Variants in ZFAT observed in about 807,000 individuals in gnomAD.
ZFAT encodes zinc finger and AT-hook domain containing, also known as zinc finger protein ZFAT.
Under a neutral mutation model 117.7 loss-of-function variants are expected in ZFAT, and 64 were observed. The observed-to-expected ratio is 0.54, with a 90% confidence interval of 0.44 to 0.67. ZFAT has a LOEUF of 0.67. Ranked by LOEUF, ZFAT falls within the 30% of genes least tolerant of loss-of-function variation. The pLI, the probability that ZFAT is intolerant of heterozygous loss-of-function variation, is 0.00. For synonymous variants in ZFAT, 679 were observed against 615.0 expected, an observed-to-expected ratio of 1.10 and a Z score of -1.54; for missense variants, 1,433 against 1,584.5, an observed-to-expected ratio of 0.90 and a Z score of 1.62.
the ZFAT span, among the ~76,000 whole-genome samples, chr8:134,817,405 A>T: frequency 1.1e-5 from 1 of 94,368 alleles, no homozygotes; most frequent in African/African-American, 4.1e-5. Flanking sequence ...ACACACACAC[A>T]CACACACACA....
intron 15 of ZFAT, among the ~76,000 whole-genome samples, chr8:134,494,401 G>C (rs1038470414): frequency 1.3e-5 from 2 of 152,156 alleles, no homozygotes; most frequent in Admixed American, 1.3e-4. Context: ...TGCGGGGACA[G>C]GATCGATCCG....
intron 2 of ZFAT, among the ~76,000 whole-genome samples, chr8:134,642,248 G>A (rs758752405): frequency 6.6e-6 from 1 of 152,192 alleles, no homozygotes; most frequent in Non-Finnish European, 1.5e-5. Flanking sequence ...CCTGAAGCAT[G>A]GGTAAGAAAA....
At position 134,525,965 on chromosome 8, in the gene ZFAT, C is replaced by T. The variant is rs112547506; in HGVS notation, c.3116-4964G>A. Among the ~76,000 whole-genome samples, 1,269 of 152,236 alleles carry T rather than the reference C, an allele frequency of 8.3e-3. 18 individuals are homozygous for T. Among genetic ancestry groups the T allele is most frequent in the African/African-American group, 0.029 (1,212 of 41,552 alleles). ...TCATTTTTAACTTCCTTTGTTATTG[C>T]TTTTTTAAATCAGATAAAATCATGT... On this transcript the variant is annotated intron_variant, in intron 12 of 15. Transcript: ENST00000377838.
chr8:134,588,132 G>C, intron 9 of ZFAT, 114 bp downstream of exon 9: 1 of 1,274,504 alleles, frequency 7.8e-7, no homozygotes, highest in Non-Finnish European at 1.1e-6. Flanking sequence ...AGTGTGCTAA[G>C]GAAATTCTAA....
intron 13 of ZFAT, among the ~76,000 whole-genome samples, chr8:134,518,457 C>T (rs959233722): frequency 2.0e-5 from 3 of 152,206 alleles, no homozygotes; most frequent in African/African-American, 7.2e-5. Context: ...TTTTGGATCT[C>T]TGTCAAGCTA....
At chr8:134,817,392 T>TACACACA in the ZFAT span, among the ~76,000 whole-genome samples, 3 of 101,940 alleles carry the variant, frequency 2.9e-5, no homozygotes, top group Non-Finnish European at 6.5e-5. Flanking sequence ...TCTCTCTCTC[T>TACACACA]CTACACACAC....
chr8:134,531,435 T>C (rs966894051), intron 12 of ZFAT, among the ~76,000 whole-genome samples: 3 of 152,190 alleles, frequency 2.0e-5, no homozygotes, highest in African/African-American at 7.2e-5. Flanking sequence ...ATGCGATGGC[T>C]CCACAATTCC....
chr8:134,532,555 C>T (rs1282260841), intron 12 of ZFAT, among the ~76,000 whole-genome samples: 1 of 152,210 alleles, frequency 6.6e-6, no homozygotes, highest in Non-Finnish European at 1.5e-5. Flanking sequence ...GCAATGCTGA[C>T]AAATCAGCAT....
At chr8:134,498,274 T>G (rs1269420110) in intron 15 of ZFAT, among the ~76,000 whole-genome samples, 40 of 110,126 alleles carry the variant, frequency 3.6e-4, no homozygotes, top group East Asian at 5.7e-4. Context: ...GGTGGAGCCG[T>G]GATGCCCCTG....
At chr8:134,542,761 G>A (rs953373932) in intron 11 of ZFAT, among the ~76,000 whole-genome samples, 2 of 152,122 alleles carry the variant, frequency 1.3e-5, no homozygotes, top group South Asian at 4.1e-4. Flanking sequence ...GTACAGAAGT[G>A]AGGGCAGGGG....
intron 1 of ZFAT, among the ~76,000 whole-genome samples, chr8:134,705,708 T>C (rs1230295506): frequency 1.3e-5 from 2 of 151,736 alleles, no homozygotes; most frequent in African/African-American, 2.4e-5. Flanking sequence ...TTTTTTTTTT[T>C]TCTAAGTTTC....
chr8:134,534,770 G>GGAAAAA (rs1821702710), intron 11 of ZFAT, among the ~76,000 whole-genome samples: 1 of 26,324 alleles, frequency 3.8e-5, no homozygotes, highest in Admixed American at 4.3e-4. Flanking sequence ...AGGGAGAGAG[G>GGAAAAA]GAGAAAGAGA....
intron 1 of ZFAT, among the ~76,000 whole-genome samples, chr8:134,664,417 C>T (rs1209153922): frequency 6.6e-6 from 1 of 152,222 alleles, no homozygotes; most frequent in Non-Finnish European, 1.5e-5. Flanking sequence ...GGACACAGGG[C>T]TGGCCCTGAC....
At chr8:134,761,526 C>G in the ZFAT span, among the ~76,000 whole-genome samples, 1 of 150,876 alleles carries the variant, frequency 6.6e-6, no homozygotes, top group Non-Finnish European at 1.5e-5. Flanking sequence ...ATGGTGAAAC[C>G]CCGTCTCTAC....
At chr8:134,827,179 G>A in the ZFAT span, among the ~76,000 whole-genome samples, 1 of 152,168 alleles carries the variant, frequency 6.6e-6, no homozygotes, top group African/African-American at 2.4e-5. Context: ...AGCCCCACAA[G>A]TAGCTGGGAC....
chr8:134,581,384 T>G (rs1360979959), intron 10 of ZFAT, among the ~76,000 whole-genome samples: 1 of 152,168 alleles, frequency 6.6e-6, no homozygotes, highest in African/African-American at 2.4e-5. Context: ...CCTATTTCCA[T>G]CCCTTTTGCT....
chr8:134,675,095 C>T (rs1348481156), intron 1 of ZFAT, among the ~76,000 whole-genome samples: 5 of 152,134 alleles, frequency 3.3e-5, no homozygotes, highest in East Asian at 1.9e-4. Flanking sequence ...CAAAGCTGGA[C>T]GGAGAATGAG....
At chr8:134,512,677 A>G (rs1819947322) in intron 13 of ZFAT, 76 bp from the exon 14 acceptor site, 1 of 1,538,380 alleles carries the variant, frequency 6.5e-7, no homozygotes, top group Non-Finnish European at 8.7e-7. Context: ...TAACATACTA[A>G]GATAGAACAA....
the ZFAT span, among the ~76,000 whole-genome samples, chr8:134,807,941 T>C: frequency 6.6e-6 from 1 of 152,208 alleles, no homozygotes; most frequent in African/African-American, 2.4e-5. Context: ...TCCTGTTCTA[T>C]AAGGCTTATT....
Sources: allele counts gnomAD v4.1 joint callset (sites outside exome capture counted in the v4.1 genomes callset), GRCh38; gene constraint gnomAD v4.1.1; transcripts MANE v1.5; gene names NCBI Gene and HGNC (gene_info 2026-07-23, HGNC 2026-07-21).